Variants in GALNT17 observed in about 807,000 individuals in gnomAD.
GALNT17 encodes the protein UDP-GalNAc:polypeptide N-acetylgalactosaminyltransferase-like 3.
GALNT17 carries 29 observed loss-of-function variants against 63.7 expected under a neutral mutation model. The observed-to-expected ratio is 0.46, with a 90% CI of 0.34 to 0.62. The LOEUF (loss-of-function observed/expected upper bound fraction) is 0.62, where lower values mean the gene tolerates loss of function less well. Ranked by LOEUF, GALNT17 falls within the 20% of genes least tolerant of loss-of-function variation. The pLI, the probability that GALNT17 is intolerant of heterozygous loss-of-function variation, is 0.01. For missense variants in GALNT17, 603 were observed against 799.6 expected (o/e 0.75, Z 2.97); for synonymous variants, 305 against 318.3 (o/e 0.96, Z 0.45).
chr7:71,428,627 C>T (rs893569244), intron 5 of GALNT17, among the ~76,000 whole-genome samples: 4 of 152,024 alleles, frequency 2.6e-5, no homozygotes, highest in Non-Finnish European at 1.5e-5. Flanking sequence ...TTAGTAGAGA[C>T]GAGGTTTCAC....
At chr7:71,136,881 G>A (rs913530776) in intron 1 of GALNT17, among the ~76,000 whole-genome samples, 7 of 151,670 alleles carry the variant, frequency 4.6e-5, no homozygotes, top group East Asian at 1.9e-4. Context: ...CTACTTCCCC[G>A]GCTCAAGTGA....
At chr7:71,348,567 C>T (rs1792135467) in intron 2 of GALNT17, among the ~76,000 whole-genome samples, 1 of 152,180 alleles carries the variant, frequency 6.6e-6, no homozygotes, top group African/African-American at 2.4e-5. Context: ...GCTCTGTCAC[C>T]TGTTTATAAC....
intron 5 of GALNT17, among the ~76,000 whole-genome samples, chr7:71,517,314 A>G (rs1011548224): frequency 6.6e-6 from 1 of 152,022 alleles, no homozygotes; most frequent in African/African-American, 2.4e-5. Flanking sequence ...TAATTTCATC[A>G]TTGGGGCCCC....
At chr7:71,622,748 C>T (rs1341478715) in intron 6 of GALNT17, among the ~76,000 whole-genome samples, 2 of 152,168 alleles carry the variant, frequency 1.3e-5, no homozygotes, top group African/African-American at 4.8e-5. Flanking sequence ...AGACCACAGG[C>T]TCTTCAGACA....
At chr7:71,400,842 C>A (rs918922581) in intron 3 of GALNT17, among the ~76,000 whole-genome samples, 5 of 152,196 alleles carry the variant, frequency 3.3e-5, no homozygotes, top group Non-Finnish European at 7.3e-5. Flanking sequence ...CCCAGGGTCC[C>A]TGCTCAGGTG....
chr7:71,346,627 C>A (rs1409147105), intron 2 of GALNT17, among the ~76,000 whole-genome samples: 2 of 152,034 alleles, frequency 1.3e-5, no homozygotes, highest in African/African-American at 4.8e-5. Flanking sequence ...CCCACATCAA[C>A]TGCCTAACCT....
At position 71,488,889 on chromosome 7, in the gene GALNT17, CTTTTTTTTT is replaced by C. The variant is rs369124996; in HGVS notation, c.962+67800_962+67808del. 1.3e-4 allele frequency among the ~76,000 whole-genome samples: 7 copies of C among 54,724 alleles called. No homozygotes were observed. The Admixed American group carries it at 1.8e-3, about 14-fold the overall frequency. 35.9% of individuals were successfully genotyped at this position (54,724 alleles called of 152,430 possible). A position where few individuals can be genotyped will look rare whatever the true frequency, so the allele number is the denominator to read the frequency against. On this transcript the variant is annotated intron_variant, in intron 5 of 10. Transcript: ENST00000333538. ...GAGCCACCGCGCCCAGCCAGGTTTCCTTTTTTTTTTTTTTTTTTTTTTTTGAGACAGTCT... is the reference window on the plus strand; with the variant it reads ...GAGCCACCGCGCCCAGCCAGGTTTCCTTTTTTTTTTTTTTTGAGACAGTCT...
intron 1 of GALNT17, among the ~76,000 whole-genome samples, chr7:71,214,734 C>T (rs775559011): frequency 5.2e-4 from 79 of 152,078 alleles, no homozygotes; most frequent in African/African-American, 1.5e-3. Flanking sequence ...GCTGCCACCA[C>T]CCCTGGCTAA....
At chr7:71,459,411 A>G (rs936237769) in intron 5 of GALNT17, among the ~76,000 whole-genome samples, 1 of 152,244 alleles carries the variant, frequency 6.6e-6, no homozygotes, top group Non-Finnish European at 1.5e-5. Flanking sequence ...CTGTTTACAC[A>G]TTAAGATAAG....
intron 6 of GALNT17, among the ~76,000 whole-genome samples, chr7:71,655,072 C>T (rs547781795): frequency 1.3e-5 from 2 of 152,180 alleles, no homozygotes; most frequent in East Asian, 1.9e-4. Flanking sequence ...GAATTACAGG[C>T]GTGAGACACC....
intron 2 of GALNT17, among the ~76,000 whole-genome samples, chr7:71,355,462 T>C (rs759120747): frequency 3.9e-5 from 6 of 152,198 alleles, no homozygotes; most frequent in Non-Finnish European, 7.3e-5. Context: ...AGTAGGTTTT[T>C]GAAATTTGCA....
intron 1 of GALNT17, among the ~76,000 whole-genome samples, chr7:71,254,282 G>A (rs1790251478): frequency 6.6e-6 from 1 of 152,128 alleles, no homozygotes; most frequent in African/African-American, 2.4e-5. Context: ...AAGCCTCCAG[G>A]CAGCAGGCTT....
rs370921384 is a variant in GALNT17, at chr7:71,574,666, A to G, written c.1080+3264A>G. Among the ~76,000 whole-genome samples, 27 of 152,274 alleles carry G rather than the reference A, an allele frequency of 1.8e-4. No homozygotes were observed. The East Asian group carries it at 4.4e-3, about 25-fold the overall frequency. ...GGTTCTCATGTTTCCAGTCAGAAGCATTCACCTCACCTGGGAACTTGTTAG... is the reference window on the plus strand; with the variant it reads ...GGTTCTCATGTTTCCAGTCAGAAGCGTTCACCTCACCTGGGAACTTGTTAG... On this transcript the variant is annotated intron_variant, in intron 6 of 10. Coordinates refer to ENST00000333538, the MANE Select transcript of GALNT17 (RefSeq NM_022479.3).
intron 6 of GALNT17, among the ~76,000 whole-genome samples, chr7:71,629,292 CGGG>C (rs1790422606): frequency 6.6e-6 from 1 of 152,062 alleles, no homozygotes; most frequent in South Asian, 2.1e-4. Context: ...CACAATCCTG[CGGG>C]CTGCATTCAC....
chr7:71,355,215 C>T (rs1264811976), intron 2 of GALNT17, among the ~76,000 whole-genome samples: 1 of 151,982 alleles, frequency 6.6e-6, no homozygotes, highest in Non-Finnish European at 1.5e-5. Context: ...TTTATTATTG[C>T]CTTCCTTGTA....
At chr7:71,369,545 G>T (rs1385656576) in intron 2 of GALNT17, among the ~76,000 whole-genome samples, 1 of 152,114 alleles carries the variant, frequency 6.6e-6, no homozygotes, top group Admixed American at 6.5e-5. Context: ...AGGCGTGGTG[G>T]CTCACGCCTG....
intron 2 of GALNT17, among the ~76,000 whole-genome samples, chr7:71,369,019 C>T (rs552196507): frequency 1.1e-4 from 17 of 152,216 alleles, no homozygotes; most frequent in Non-Finnish European, 1.9e-4. Flanking sequence ...TGAGTTTCTT[C>T]TCCAGTGATC....
chr7:71,680,918 G>C (rs1364200534), intron 9 of GALNT17, among the ~76,000 whole-genome samples: 1 of 135,548 alleles, frequency 7.4e-6, no homozygotes, highest in Non-Finnish European at 1.5e-5. Context: ...CTTTTTTTAA[G>C]AGATAGGGTC....
At chr7:71,574,274 G>C (rs532906750) in intron 6 of GALNT17, among the ~76,000 whole-genome samples, 1 of 152,298 alleles carries the variant, frequency 6.6e-6, no homozygotes, top group East Asian at 1.9e-4. Flanking sequence ...TTGTTGATGG[G>C]CTGGAATGAA....
Sources: allele counts gnomAD v4.1 joint callset (sites outside exome capture counted in the v4.1 genomes callset), GRCh38; gene constraint gnomAD v4.1.1; transcripts MANE v1.5; gene names NCBI Gene and HGNC (gene_info 2026-07-23, HGNC 2026-07-21).